Variants in USP13 observed in about 807,000 individuals in gnomAD.
USP13 encodes ubiquitin carboxyl-terminal hydrolase 13.
In USP13, 68 loss-of-function variants were observed where a neutral mutation model predicts 107.8. The observed-to-expected ratio is 0.63, with a 90% CI of 0.52 to 0.77. The LOEUF is 0.77. USP13 is among the 30% of genes least tolerant of loss of function. The pLI, the probability that USP13 is intolerant of heterozygous loss-of-function variation, is 0.00. For missense variants in USP13, 945 were observed against 1,093.3 expected (o/e 0.86, Z 1.91); for synonymous variants, 377 against 389.5 (o/e 0.97, Z 0.38).
At chr3:179,708,458 G>T (rs1712803304) in intron 5 of USP13, among the ~76,000 whole-genome samples, 1 of 151,314 alleles carries the variant, frequency 6.6e-6, no homozygotes, top group Admixed American at 6.6e-5. Context: ...GGGATTACAG[G>T]TGCCCACCAC....
At position 179,785,168 on chromosome 3, in the gene USP13, GC is replaced by G. The variant is rs1014738413; in HGVS notation, c.*1031del. On this transcript the variant is annotated 3_prime_UTR_variant, in exon 21 of 21. Transcript: ENST00000263966. Reference sequence around the variant, plus strand: ...ATAACTCTTTGGAGTCATGTCAAGTGCCCCAAATTTGTCTGTGATTTTCCCA... The same window carrying G: ...ATAACTCTTTGGAGTCATGTCAAGTGCCCAAATTTGTCTGTGATTTTCCCA... 6.6e-6 allele frequency: 1 copy of G among 152,116 alleles called. No individual in the cohort carries two copies. The highest frequency in any genetic ancestry group is 2.4e-5 in the African/African-American group (1 of 41,412). 9.4% of individuals were successfully genotyped at this position (152,116 alleles called of 1,614,324 possible). A position where few individuals can be genotyped will look rare whatever the true frequency, so the allele number is the denominator to read the frequency against.
Position 179,678,956 on chromosome 3 carries a change from T to A in USP13, c.169-2922T>A, listed in dbSNP as rs772875567. ...GGAAATAGAGACCACTTTACTTCTT[T>A]CTTTGTGATCTTTATACCTTTTATT... is the stretch of plus-strand genomic sequence containing the variant. On this transcript the variant is annotated intron_variant, in intron 1 of 20. Transcript: ENST00000263966. This position sits in a 1 kb window ranked among gnomAD's most constrained non-coding sequence, Gnocchi z 4.2. 6.6e-6 allele frequency among the ~76,000 whole-genome samples: 1 copy of A among 152,230 alleles called. No homozygotes were observed. Among genetic ancestry groups the A allele is most frequent in the Non-Finnish European group, 1.5e-5 (1 of 68,038 alleles).
At chr3:179,698,084 A>C (rs986847181) in intron 3 of USP13, among the ~76,000 whole-genome samples, 1 of 152,140 alleles carries the variant, frequency 6.6e-6, no homozygotes, top group Admixed American at 6.5e-5. Context: ...CAGGGTGTGT[A>C]GTGTGTGCCA....
intron 8 of USP13, among the ~76,000 whole-genome samples, chr3:179,725,684 C>T (rs188628946): frequency 3.0e-4 from 45 of 152,272 alleles, no homozygotes; most frequent in East Asian, 5.8e-4. Flanking sequence ...GGAAGTTAAT[C>T]GTGTGATTGT....
At chr3:179,663,026 A>T (rs962692123) in intron 1 of USP13, among the ~76,000 whole-genome samples, 1 of 152,210 alleles carries the variant, frequency 6.6e-6, no homozygotes, top group South Asian at 2.1e-4. Context: ...TTTAAAATGT[A>T]CAGTTCAGTG....
At chr3:179,756,517 G>A (rs4855111) in intron 15 of USP13, among the ~76,000 whole-genome samples, 44,398 of 152,068 alleles carry the variant, frequency 0.29, 6,848 homozygotes, top group East Asian at 0.56. Context: ...GCTGAGGTGG[G>A]AGGATCACTT....
chr3:179,659,757 G>A (rs545522940), intron 1 of USP13, among the ~76,000 whole-genome samples: 17 of 152,224 alleles, frequency 1.1e-4, no homozygotes, highest in African/African-American at 3.1e-4. Flanking sequence ...AAACCATTTT[G>A]GCTGGGCGCG....
At chr3:179,740,799 C>T (rs894802806) in intron 11 of USP13, among the ~76,000 whole-genome samples, 6 of 150,516 alleles carry the variant, frequency 4.0e-5, no homozygotes, top group Non-Finnish European at 8.8e-5. Context: ...CTGAGTCTAG[C>T]TCTGTTGCCC....
At chr3:179,657,708 A>G (rs993672760) in intron 1 of USP13, among the ~76,000 whole-genome samples, 50 of 146,006 alleles carry the variant, frequency 3.4e-4, no homozygotes, top group East Asian at 3.4e-3. Flanking sequence ...AGGTTGCAGT[A>G]AGCCGAGATT....
At chr3:179,696,058 T>C (rs1212236073) in intron 3 of USP13, among the ~76,000 whole-genome samples, 1 of 152,176 alleles carries the variant, frequency 6.6e-6, no homozygotes, top group Non-Finnish European at 1.5e-5. Flanking sequence ...GCTGGAGTTT[T>C]TTTTAGTGGT....
At chr3:179,757,505 G>A (rs940282754) in intron 16 of USP13, among the ~76,000 whole-genome samples, 1 of 152,156 alleles carries the variant, frequency 6.6e-6, no homozygotes, top group Non-Finnish European at 1.5e-5. Context: ...ACACAATAGT[G>A]TTAATTAATG....
At chr3:179,679,673 G>C (rs1290727968) in intron 1 of USP13, among the ~76,000 whole-genome samples, 1 of 151,930 alleles carries the variant, frequency 6.6e-6, no homozygotes, top group East Asian at 1.9e-4. Context: ...CATTGTAGCA[G>C]TATGTCTTTA....
At chr3:179,709,847 T>C (rs898002294) in intron 6 of USP13, among the ~76,000 whole-genome samples, 18 of 152,204 alleles carry the variant, frequency 1.2e-4, no homozygotes, top group Non-Finnish European at 2.6e-4. Flanking sequence ...TAAAAACATG[T>C]CTTCTCTCTT....
intron 19 of USP13, among the ~76,000 whole-genome samples, chr3:179,767,201 T>A (rs1328660391): frequency 6.6e-6 from 1 of 152,212 alleles, no homozygotes; most frequent in Non-Finnish European, 1.5e-5. Context: ...TATACCAGTA[T>A]GAAAAATACT....
intron 3 of USP13, among the ~76,000 whole-genome samples, chr3:179,694,671 C>T (rs568255929): frequency 1.0e-3 from 158 of 152,054 alleles, no homozygotes; most frequent in Admixed American, 3.5e-3. Context: ...CATGGTGGCA[C>T]ATGACTGTAA....
At chr3:179,729,218 A>G (rs1364527221) in intron 8 of USP13, among the ~76,000 whole-genome samples, 2 of 152,180 alleles carry the variant, frequency 1.3e-5, no homozygotes, top group Non-Finnish European at 2.9e-5. Flanking sequence ...AAAATCACAA[A>G]GAAGAAACGT....
intron 1 of USP13, among the ~76,000 whole-genome samples, chr3:179,668,677 C>T (rs1294145570): frequency 6.6e-6 from 1 of 152,160 alleles, no homozygotes; most frequent in Non-Finnish European, 1.5e-5. Flanking sequence ...CTGCCTTGGC[C>T]TCCCAAAGTG....
At chr3:179,727,785 G>C (rs1382595683) in intron 8 of USP13, among the ~76,000 whole-genome samples, 2 of 52,978 alleles carry the variant, frequency 3.8e-5, no homozygotes, top group Non-Finnish European at 7.8e-5. Context: ...GCGGCTGGCT[G>C]GGCAGGGGGC....
chr3:179,714,981 C>T (rs1314974750), intron 6 of USP13, among the ~76,000 whole-genome samples: 1 of 151,406 alleles, frequency 6.6e-6, no homozygotes, highest in African/African-American at 2.4e-5. Flanking sequence ...AGTGAGCCTC[C>T]CAGCTCAGCC....
Sources: gnomAD v4.1 joint callset for allele counts (sites outside exome capture counted in the v4.1 genomes callset) on GRCh38, gnomAD v4.1.1 for gene constraint, Gnocchi (gnomAD v3.1) non-coding constraint, MANE v1.5 for transcripts, NCBI Gene and HGNC (gene_info 2026-07-23, HGNC 2026-07-21) for gene names.